AKAP6: variants seen among roughly 807,000 people sequenced by gnomAD.
The protein encoded by AKAP6 is A-kinase anchor protein 6.
AKAP6 carries 58 observed loss-of-function variants against 188.5 expected under a neutral mutation model. That is an observed-to-expected ratio of 0.31 (90% confidence interval 0.25 to 0.38). The LOEUF (loss-of-function observed/expected upper bound fraction) is 0.38, where lower values mean the gene tolerates loss of function less well. AKAP6 is among the 10% of genes least tolerant of loss of function. The pLI, the probability that AKAP6 is intolerant of heterozygous loss-of-function variation, is 1.00. For missense variants in AKAP6, 2,710 were observed against 2,740.0 expected (o/e 0.99, Z 0.24); for synonymous variants, 989 against 998.6 (o/e 0.99, Z 0.18).
chr14:32,670,888 G>A (rs1889161192), intron 7 of AKAP6, among the ~76,000 whole-genome samples: 1 of 152,032 alleles, frequency 6.6e-6, no homozygotes, highest in Non-Finnish European at 1.5e-5. Flanking sequence ...TTATTTCTTT[G>A]TACATTTGAA....
intron 7 of AKAP6, among the ~76,000 whole-genome samples, chr14:32,621,389 C>A (rs1886810598): frequency 6.6e-6 from 1 of 151,972 alleles, no homozygotes; most frequent in South Asian, 2.1e-4. Context: ...TGTTATCATT[C>A]ATTTCAAATA....
At chr14:32,409,176 G>A (rs938896602) in intron 1 of AKAP6, among the ~76,000 whole-genome samples, 4 of 152,022 alleles carry the variant, frequency 2.6e-5, no homozygotes, top group Non-Finnish European at 2.9e-5. Flanking sequence ...CTCCAGCCTG[G>A]GCCACAGAGC....
rs867869501 is a variant in AKAP6, at chr14:32,356,825, C to T, written c.-35+27417C>T. 2.0e-5 allele frequency among the ~76,000 whole-genome samples: 3 copies of T among 152,056 alleles called. No individual in the cohort carries two copies. The South Asian group carries it at 6.2e-4, about 32-fold the overall frequency. On this transcript the variant is annotated intron_variant, in intron 1 of 13. Transcript: ENST00000280979. ...ACCTTTGCACAGGCTATTATATCCC[C>T]TAGCCTTGCTCACTTGCTAATTTGT...
chr14:32,749,411 GAT>G (rs1338019651), intron 11 of AKAP6, among the ~76,000 whole-genome samples: 5 of 152,166 alleles, frequency 3.3e-5, no homozygotes, highest in African/African-American at 9.7e-5. Context: ...CATCGAAAAT[GAT>G]ACTGCAAAAG....
rs188896432 is a variant in AKAP6, at chr14:32,466,035, C to A, written c.324+32218C>A. 4.6e-4 allele frequency among the ~76,000 whole-genome samples: 70 copies of A among 152,350 alleles called. 1 individual carries two copies. The highest frequency in any genetic ancestry group is 1.5e-3 in the African/African-American group (63 of 41,580). ...TCAAAACCGTAATGAGATACCACCTCACACCAGTTAGAATGGCGATCATTA... is the reference window on the plus strand; with the variant it reads ...TCAAAACCGTAATGAGATACCACCTAACACCAGTTAGAATGGCGATCATTA... On this transcript the variant is annotated intron_variant, in intron 2 of 13. Coordinates refer to ENST00000280979, the MANE Select transcript of AKAP6 (RefSeq NM_004274.5).
chr14:32,552,095 G>A (rs141648664), intron 4 of AKAP6, among the ~76,000 whole-genome samples: 1 of 152,336 alleles, frequency 6.6e-6, no homozygotes, highest in African/African-American at 2.4e-5. Flanking sequence ...TGAATCTCAT[G>A]TACCTAGAAC....
At chr14:32,411,238 G>A (rs4981964) in intron 1 of AKAP6, among the ~76,000 whole-genome samples, 96,392 of 151,946 alleles carry the variant, frequency 0.63, 32,963 homozygotes, top group Non-Finnish European at 0.76. Flanking sequence ...CCCAAATGTC[G>A]AAAGTGCCAA....
intron 11 of AKAP6, among the ~76,000 whole-genome samples, chr14:32,756,911 G>A (rs1308096676): frequency 1.3e-5 from 2 of 152,114 alleles, no homozygotes; most frequent in Non-Finnish European, 2.9e-5. Flanking sequence ...GAGCTGGGGT[G>A]TGCATGTGCC....
At chr14:32,807,734 T>C (rs1296883073) in intron 12 of AKAP6, among the ~76,000 whole-genome samples, 1 of 152,244 alleles carries the variant, frequency 6.6e-6, no homozygotes, top group Non-Finnish European at 1.5e-5. Context: ...CAATAACTTT[T>C]CAAATACTAT....
rs1368236815 is a variant in AKAP6, at chr14:32,482,177, T to C, written c.324+48360T>C. Among the ~76,000 whole-genome samples, 3 of 152,176 alleles carry C rather than the reference T, an allele frequency of 2.0e-5. No homozygotes were observed. In the East Asian group the frequency reaches 5.8e-4, roughly 29 times the overall value. On this transcript the variant is annotated intron_variant, in intron 2 of 13. Coordinates refer to ENST00000280979, the MANE Select transcript of AKAP6 (RefSeq NM_004274.5). Reference sequence around the variant, plus strand: ...TAATCTCCATATTTGAATCTCCTTCTCAGGAAGACAACCTGTGACATTATC... The same window carrying C: ...TAATCTCCATATTTGAATCTCCTTCCCAGGAAGACAACCTGTGACATTATC...
At chr14:32,716,782 TTACAA>T (rs1436498799) in intron 9 of AKAP6, among the ~76,000 whole-genome samples, 1 of 151,668 alleles carries the variant, frequency 6.6e-6, no homozygotes, top group Non-Finnish European at 1.5e-5. Flanking sequence ...ATAACAATAG[TTACAA>T]TACATTATTT....
In AKAP6 at chr14:32,751,773, T is replaced by C. The variant is rs568623348; in HGVS notation, c.3372+15891T>C. The stretch of plus-strand genomic sequence containing the variant: ...GTTTCTGCAGAACCTAATTTTGTAA[T>C]TCATTGTTTTCATTGCAATTTTTAA... On this transcript the variant is annotated intron_variant, in intron 11 of 13. Transcript: ENST00000280979. 2.0e-5 allele frequency among the ~76,000 whole-genome samples: 3 copies of C among 152,316 alleles called. No homozygotes were observed. In the East Asian group the frequency reaches 5.8e-4, roughly 29 times the overall value.
intron 2 of AKAP6, among the ~76,000 whole-genome samples, chr14:32,458,128 G>A (rs945765081): frequency 2.2e-4 from 34 of 152,236 alleles, no homozygotes; most frequent in African/African-American, 7.9e-4. Context: ...AACTGCATTA[G>A]CATCATAATT....
Position 32,742,068 on chromosome 14 carries a change from T to G in AKAP6, c.3372+6186T>G, listed in dbSNP as rs147530389. ...ATCTCATTACTTGTTATTGGTCTCT[T>G]CAGGTTTTGGATTTCTTCCTGGTTC... On this transcript the variant is annotated intron_variant, in intron 11 of 13. Coordinates refer to ENST00000280979, the MANE Select transcript of AKAP6 (RefSeq NM_004274.5). Among the ~76,000 whole-genome samples the G allele has an allele frequency of 4.5e-3, 685 of 152,002 alleles. 6 individuals carry two copies. Among genetic ancestry groups the G allele is most frequent in the African/African-American group, 0.016 (656 of 41,492 alleles).
intron 2 of AKAP6, among the ~76,000 whole-genome samples, chr14:32,487,125 A>G (rs1447370644): frequency 6.6e-6 from 1 of 152,144 alleles, no homozygotes; most frequent in South Asian, 2.1e-4. Context: ...ACATTTATTG[A>G]TTTGTGTATG....
chr14:32,388,799 A>G (rs1677687164), intron 1 of AKAP6, among the ~76,000 whole-genome samples: 1 of 152,126 alleles, frequency 6.6e-6, no homozygotes, highest in South Asian at 2.1e-4. Flanking sequence ...AGAAAGTTCC[A>G]TGCACTGTTG....
Position 32,339,051 on chromosome 14 carries a change from A to G in AKAP6, c.-35+9643A>G, listed in dbSNP as rs917300538. ...TCCTGTCTCTGCTTAAATTTTGTTC[A>G]TAACACTTATCACCTTCTGCAAACT... is the stretch of plus-strand genomic sequence containing the variant. On this transcript the variant is annotated intron_variant, in intron 1 of 13. Transcript: ENST00000280979. 2.6e-5 allele frequency among the ~76,000 whole-genome samples: 4 copies of G among 152,158 alleles called. No individual in the cohort carries two copies. In the East Asian group the frequency reaches 5.8e-4, roughly 22 times the overall value.
chr14:32,542,721 G>A (rs142133074), intron 3 of AKAP6, among the ~76,000 whole-genome samples: 96 of 152,324 alleles, frequency 6.3e-4, no homozygotes, highest in African/African-American at 2.2e-3. Context: ...TACTGTGGCC[G>A]CGTGTGGCCA....
In AKAP6 at chr14:32,745,461, T is replaced by TTCTC. The variant is rs71115094; in HGVS notation, c.3372+9611_3372+9614dup. 3.4e-3 allele frequency among the ~76,000 whole-genome samples: 478 copies of TTCTC among 141,422 alleles called. 6 individuals carry two copies. Among genetic ancestry groups the TTCTC allele is most frequent in the African/African-American group, 0.011 (417 of 38,258 alleles). The allele number at this position is 141,422 out of a possible 152,430, so 92.8% of individuals were successfully genotyped here. ...TTTCTGCCAAACAAATATTTATTCA[T>TTCTC]TCTCTCTCTCTCTCTCTCTCTCTCT... On this transcript the variant is annotated intron_variant, in intron 11 of 13. Transcript: ENST00000280979.
Sources: allele counts gnomAD v4.1 joint callset (sites outside exome capture counted in the v4.1 genomes callset), GRCh38; gene constraint gnomAD v4.1.1; transcripts MANE v1.5; gene names NCBI Gene and HGNC (gene_info 2026-07-23, HGNC 2026-07-21).